Variants in KCNQ2 observed in about 807,000 individuals in gnomAD.
The protein encoded by KCNQ2 is potassium voltage-gated channel subfamily KQT member 2.
KCNQ2 carries 14 observed loss-of-function variants against 84.8 expected under a neutral mutation model. The observed-to-expected ratio is 0.17, with a 90% CI of 0.11 to 0.26. The LOEUF (loss-of-function observed/expected upper bound fraction) is 0.26. Ranked by LOEUF, KCNQ2 falls within the 10% of genes least tolerant of loss-of-function variation. KCNQ2 has a pLI of 1.00. For missense variants in KCNQ2, 788 were observed against 1,254.0 expected, an observed-to-expected ratio of 0.63 and a Z score of 5.61; for synonymous variants, 599 against 554.1, an observed-to-expected ratio of 1.08 and a Z score of -1.14.
intron 8 of KCNQ2, among the ~76,000 whole-genome samples, chr20:63,432,585 T>A (rs1166275324): frequency 1.1e-5 from 1 of 94,886 alleles, no homozygotes; most frequent in Admixed American, 1.1e-4. Context: ...CAGGGAAGGA[T>A]CCACCCACAG....
intron 11 of KCNQ2, chr20:63,422,546 G>A (rs2080505531): frequency 6.6e-6 from 1 of 152,498 alleles, no homozygotes; most frequent in South Asian, 2.1e-4. Flanking sequence ...CCGGACACAT[G>A]GGGAAGAGAC....
chr20:63,456,046 A>C (rs1386839886), intron 1 of KCNQ2, among the ~76,000 whole-genome samples: 2 of 26,800 alleles, frequency 7.5e-5, no homozygotes, highest in Non-Finnish European at 1.5e-4. Context: ...CGGGCCCCCC[A>C]CCTCCGGGAG....
rs564614151 is a variant in KCNQ2, at chr20:63,414,093, G to A, written c.1626C>T (p.Ala542=). ...CGGCTGGGCAGGGGCCTCACCACAC[G>A]GCTCTGATGCTGACTTTGAGGCCCG... ...LTPGLKVSIR[A]VCVMRFLVSK... The change falls in exon 14 of 17, where the codon GCC becomes GCT. Residue 542 remains alanine, a synonymous_variant. Coordinates refer to ENST00000359125, the MANE Select transcript of KCNQ2 (RefSeq NM_172107.4). The surrounding 1 kb of genome is among the most constrained non-coding windows in gnomAD (Gnocchi z 6.6). 2.1e-5 allele frequency: 34 copies of A among 1,612,800 alleles called. No homozygotes were observed. Among genetic ancestry groups the A allele is most frequent in the African/African-American group, 4.0e-5 (3 of 74,910 alleles).
intron 1 of KCNQ2, among the ~76,000 whole-genome samples, 179 bp from the exon 2 acceptor site, chr20:63,447,016 G>A (rs972413216): frequency 7.2e-5 from 11 of 151,746 alleles, no homozygotes; most frequent in Admixed American, 5.9e-4. Context: ...CGGGCCAGAG[G>A]GCACCCCCAT....
intron 12 of KCNQ2, among the ~76,000 whole-genome samples, chr20:63,417,847 C>T (rs117766329): frequency 0.044 from 6,754 of 152,238 alleles, 233 homozygotes; most frequent in Admixed American, 0.11. Flanking sequence ...CTGCTGGACC[C>T]GATGCCCAGC....
At position 63,407,153 on chromosome 20, in the gene KCNQ2, G is replaced by A. The variant is rs1242898915; in HGVS notation, c.2110C>T (p.Pro704Ser). 11 of 1,586,542 alleles carry A rather than the reference G, an allele frequency of 6.9e-6. No individual in the cohort carries two copies. Among genetic ancestry groups the A allele is most frequent in the South Asian group, 1.1e-5 (1 of 88,608 alleles). The stretch of plus-strand genomic sequence containing the variant: ...CACTGGACAGGGGGCGCGGCCGGGG[G>A]CGCCGAGAAGTTCTTCTGGCCCGTG... ...SSTGQKNFSAPPAAPPVQCPP... is the reference protein window; with the variant it reads ...SSTGQKNFSASPAAPPVQCPP... The change falls in exon 17 of 17, where the codon CCC becomes TCC. Residue 704 changes from proline (P) to serine (S), a missense_variant. Pro to Ser is a moderately conservative substitution (Grantham distance 74). Coordinates refer to ENST00000359125, the MANE Select transcript of KCNQ2 (RefSeq NM_172107.4). The surrounding 1 kb of genome is among the most constrained non-coding windows in gnomAD (Gnocchi z 7.2).
chr20:63,436,328 G>C (rs550103697), intron 7 of KCNQ2, among the ~76,000 whole-genome samples: 3 of 152,250 alleles, frequency 2.0e-5, no homozygotes, highest in African/African-American at 4.8e-5. Context: ...TCAGGAGATC[G>C]AGACCATCCT....
At chr20:63,442,977 TCACCACCATTACCATCAC>T (rs1568935485) in intron 4 of KCNQ2, among the ~76,000 whole-genome samples, 1 of 30,120 alleles carries the variant, frequency 3.3e-5, no homozygotes, top group African/African-American at 1.6e-4. Context: ...ACCACCACCA[TCACCACCATTACCATCAC>T]CATCACCACC....
intron 1 of KCNQ2, chr20:63,471,097 A>G (rs2082203840): frequency 6.6e-6 from 1 of 152,292 alleles, no homozygotes; most frequent in Admixed American, 6.5e-5. Flanking sequence ...CTCGTGGGGC[A>G]CACACCCCTC....
chr20:63,411,088 C>T (rs918799443), intron 15 of KCNQ2: 58 of 438,986 alleles, frequency 1.3e-4, no homozygotes, highest in South Asian at 8.2e-4. Flanking sequence ...CTCGCCAGCT[C>T]CCTTATCAAA....
intron 9 of KCNQ2, among the ~76,000 whole-genome samples, chr20:63,430,474 G>T (rs1301870594): frequency 6.6e-6 from 1 of 152,150 alleles, no homozygotes; most frequent in Non-Finnish European, 1.5e-5. Flanking sequence ...CCTCCAGGAC[G>T]GGTGACTGGC....
rs2081301644 is a variant in KCNQ2 at position 63,443,338 on chromosome 20, C to G, written c.691-807G>C. Among the ~76,000 whole-genome samples, 2 of 57,636 alleles carry G rather than the reference C, an allele frequency of 3.5e-5. 1 individual carries two copies. Among genetic ancestry groups the G allele is most frequent in the African/African-American group, 1.1e-4 (2 of 18,100 alleles). 37.8% of individuals were successfully genotyped at this position (57,636 alleles called of 152,430 possible). A position where few individuals can be genotyped will look rare whatever the true frequency, so the allele number is the denominator to read the frequency against. On this transcript the variant is annotated intron_variant, in intron 4 of 16. Coordinates refer to ENST00000359125, the MANE Select transcript of KCNQ2 (RefSeq NM_172107.4). ...TCACCACCACCACCATCACCATCAC[C>G]ACCATCACCACCACCACCACCATCA... is the stretch of plus-strand genomic sequence containing the variant.
intron 10 of KCNQ2, chr20:63,424,499 C>A (rs2080571130): frequency 7.8e-6 from 4 of 514,716 alleles, no homozygotes; most frequent in South Asian, 6.1e-5. Context: ...TACAGACACT[C>A]ATTTTAATCA....
Position 63,414,132 on chromosome 20 carries a change from G to A in KCNQ2, c.1587C>T (p.Thr529=), listed in dbSNP as rs753417293. Residue 529 remains threonine, a synonymous_variant, in exon 14 of 17, where the codon ACC becomes ACT. Coordinates refer to ENST00000359125, the MANE Select transcript of KCNQ2 (RefSeq NM_172107.4). The surrounding 1 kb of genome is among the most constrained non-coding windows in gnomAD (Gnocchi z 6.6). ...CTTTGAGGCCCGGGGTCAGGTCCTCGGTCACAAACTCGCAGGGGCAGCTCT... is the reference window on the plus strand; with the variant it reads ...CTTTGAGGCCCGGGGTCAGGTCCTCAGTCACAAACTCGCAGGGGCAGCTCT... The part of the protein sequence containing the change: ...DDKSCPCEFV[T]EDLTPGLKVS... The A allele has an allele frequency of 3.3e-5, 53 of 1,613,598 alleles. No homozygotes were observed. Among genetic ancestry groups the A allele is most frequent in the East Asian group, 2.2e-4 (10 of 44,882 alleles).
chr20:63,466,951 C>T (rs936181853), intron 1 of KCNQ2, among the ~76,000 whole-genome samples: 4 of 152,238 alleles, frequency 2.6e-5, no homozygotes, highest in African/African-American at 4.8e-5. Flanking sequence ...GACAGCCCCC[C>T]GTGAGGTAAC....
chr20:63,430,998 G>A (rs1040931023), intron 9 of KCNQ2, among the ~76,000 whole-genome samples: 3 of 152,216 alleles, frequency 2.0e-5, no homozygotes, highest in Non-Finnish European at 2.9e-5. Flanking sequence ...GGAGGCACGA[G>A]GGGAGCCAGG....
Position 63,445,359 on chromosome 20 carries a change from G to T in KCNQ2, c.393C>A (p.Ile131=), listed in dbSNP as rs753953009. 2.5e-6 allele frequency: 4 copies of T among 1,613,540 alleles called. No individual in the cohort carries two copies. Among genetic ancestry groups the T allele is most frequent in the Admixed American group, 1.7e-5 (1 of 60,000 alleles). Residue 131 remains isoleucine (I), a synonymous_variant, in exon 3 of 17, where the codon ATC becomes ATA. Transcript: ENST00000359125. ...SSEGALYILE[I]VTIVVFGVEY... is the part of the protein sequence containing the mutation. ...CCACGCCAAACACCACGATAGTCAC[G>T]ATTTCCTGCAGGGGAGGAAAGCTGA... is the stretch of plus-strand genomic sequence containing the variant.
chr20:63,468,056 A>T (rs2082123568), intron 1 of KCNQ2, among the ~76,000 whole-genome samples: 1 of 152,236 alleles, frequency 6.6e-6, no homozygotes, highest in Admixed American at 6.5e-5. Flanking sequence ...AGCATCATGT[A>T]CAATGTCTTA....
intron 7 of KCNQ2, chr20:63,437,367 G>C (rs1158691111): frequency 6.6e-6 from 1 of 152,236 alleles, no homozygotes; most frequent in Non-Finnish European, 1.5e-5. Context: ...AGTGGAGTGA[G>C]ATTTGGGGGC....
Sources: gnomAD v4.1 joint callset for allele counts (sites outside exome capture counted in the v4.1 genomes callset) on GRCh38, gnomAD v4.1.1 for gene constraint, Gnocchi (gnomAD v3.1) non-coding constraint, MANE v1.5 for transcripts, NCBI Gene and HGNC (gene_info 2026-07-23, HGNC 2026-07-21) for gene names.